The following ARSF variants were observed in gnomAD, a reference collection of about 807,000 sequenced individuals.
The protein encoded by ARSF is arylsulfatase F.
In ARSF, 33 loss-of-function variants were observed where a neutral mutation model predicts 35.4. That is an observed-to-expected ratio of 0.93 (90% CI 0.71 to 1.25). The LOEUF (loss-of-function observed/expected upper bound fraction) is 1.25, where lower values mean the gene tolerates loss of function less well. ARSF is among the 50% of genes most tolerant of loss of function. ARSF has a pLI of 0.00. For synonymous variants in ARSF, 222 were observed against 193.1 expected (o/e 1.15, Z -1.24); for missense variants, 501 against 480.2 (o/e 1.04, Z -0.40).
intron 7 of ARSF, among the ~76,000 whole-genome samples, chrX:3,093,906 CTT>C (rs758932238): frequency 5.4e-5 from 6 of 111,825 alleles, no homozygotes; most frequent in African/African-American, 9.7e-5. Flanking sequence ...ATCTGTTCCT[CTT>C]TTATTTTTTT....
At chrX:3,075,889 ATC>A (rs200700220) in intron 3 of ARSF, among the ~76,000 whole-genome samples, 1 of 42,818 alleles carries the variant, frequency 2.3e-5, no homozygotes, top group Non-Finnish European at 4.4e-5. Flanking sequence ...CTCTCTCTCC[ATC>A]TCTCTCTCTG....
chrX:3,081,876 T>A (rs1350362851), intron 5 of ARSF, among the ~76,000 whole-genome samples: 1 of 111,358 alleles, frequency 9.0e-6, no homozygotes, highest in Non-Finnish European at 1.9e-5. Flanking sequence ...AGCCTGGGTT[T>A]CAGCTGGTGT....
intron 7 of ARSF, among the ~76,000 whole-genome samples, chrX:3,098,662 A>G (rs1462428559): frequency 1.2e-4 from 13 of 111,115 alleles, no homozygotes. Context: ...GCCACGTAGA[A>G]CTGTGATTCC....
chrX:3,057,573 G>A (rs951847209), intron 1 of ARSF, among the ~76,000 whole-genome samples: 7 of 111,858 alleles, frequency 6.3e-5, no homozygotes, highest in Admixed American at 1.9e-4. Context: ...TTTCACCCAT[G>A]AGAAAAGTGA....
At chrX:3,108,727 C>T (rs1460927462) in intron 9 of ARSF, among the ~76,000 whole-genome samples, 1 of 111,742 alleles carries the variant, frequency 8.9e-6, no homozygotes, top group Non-Finnish European at 1.9e-5. Context: ...CTTTTAAGAT[C>T]CTTTTTAGGC....
intron 7 of ARSF, among the ~76,000 whole-genome samples, chrX:3,092,364 G>T (rs1195247193): frequency 9.0e-6 from 1 of 111,670 alleles, no homozygotes; most frequent in African/African-American, 3.3e-5. Flanking sequence ...CAATGAAATA[G>T]GTCATTCAAA....
chrX:3,083,064 ATATC>A (rs201118844), intron 5 of ARSF, among the ~76,000 whole-genome samples: 1,921 of 109,453 alleles, frequency 0.018, 36 homozygotes, highest in African/African-American at 0.052. Flanking sequence ...TCTATCCATC[ATATC>A]TATCTATCTA....
intron 6 of ARSF, among the ~76,000 whole-genome samples, chrX:3,088,513 T>G (rs770002563): frequency 2.7e-5 from 3 of 110,927 alleles, no homozygotes; most frequent in Non-Finnish European, 1.9e-5. Context: ...GAGAAAGGTT[T>G]AATAATTGCA....
At chrX:3,065,184 G>A (rs2090058415) in intron 1 of ARSF, among the ~76,000 whole-genome samples, 1 of 105,235 alleles carries the variant, frequency 9.5e-6, no homozygotes, top group South Asian at 4.3e-4. Context: ...CTATCACAAG[G>A]ACAGAAAACC....
At chrX:3,058,517 G>A (rs919481647) in intron 1 of ARSF, 1 of 284,948 alleles carries the variant, frequency 3.5e-6, no homozygotes, top group Non-Finnish European at 6.8e-6. Flanking sequence ...TGCTGTTTTT[G>A]TCAACATAAA....
At chrX:3,065,390 A>G (rs2090060251) in intron 1 of ARSF, among the ~76,000 whole-genome samples, 1 of 109,189 alleles carries the variant, frequency 9.2e-6, no homozygotes, top group Non-Finnish European at 1.9e-5. Flanking sequence ...CTATGTAACG[A>G]GCCTGCATGT....
At position 3,101,961 on chromosome X, in the gene ARSF, C is replaced by T. The variant is rs192054095; in HGVS notation, c.1102+740C>T. On this transcript the variant is annotated intron_variant, in intron 8 of 10. Coordinates refer to ENST00000381127, the MANE Select transcript of ARSF (RefSeq NM_001201539.2). ...GTTGTTATTCATGCAACTACAGATT[C>T]CACAGTCTTGGATTCGGTAGGAAAT... Among the ~76,000 whole-genome samples, 4 of 111,566 alleles carry T rather than the reference C, an allele frequency of 3.6e-5. No individual in the cohort carries two copies. In the East Asian group the frequency reaches 1.1e-3, roughly 31 times the overall value.
Position 3,101,239 on chromosome X carries a change from T to A in ARSF, c.1102+18T>A. The stretch of plus-strand genomic sequence containing the variant: ...ATACAAAGGTGAGGAGAGGAACTCA[T>A]GCAAGTGATCTGGTGGTGAATAAGC... On this transcript the variant is annotated intron_variant, in intron 8 of 10. Transcript: ENST00000381127. The A allele has an allele frequency of 8.3e-7, 1 of 1,203,407 alleles. No homozygotes were observed. The highest frequency in any genetic ancestry group is 1.1e-6 in the Non-Finnish European group (1 of 890,594).
At chrX:3,053,758 A>ATTT (rs773968797) in intron 1 of ARSF, among the ~76,000 whole-genome samples, 2 of 82,629 alleles carry the variant, frequency 2.4e-5, no homozygotes, top group East Asian at 3.7e-4. Flanking sequence ...CGCCTGGGTA[A>ATTT]TTTTTTTTTT....
In ARSF at chrX:3,065,836, C is replaced by T. The variant is rs140828167; in HGVS notation, c.-28-2237C>T. ...TTTCCAGGCTGGGCGCAGTGACTCT[C>T]GCCTATAATCCCAGCACTTTGGGAG... On this transcript the variant is annotated intron_variant, in intron 1 of 10. Transcript: ENST00000381127. Among the ~76,000 whole-genome samples, 536 of 110,854 alleles carry T rather than the reference C, an allele frequency of 4.8e-3. 5 individuals carry two copies. The highest frequency in any genetic ancestry group is 0.017 in the African/African-American group (512 of 30,481).
chrX:3,083,667 G>C (rs1250274857), intron 5 of ARSF, among the ~76,000 whole-genome samples: 3 of 111,102 alleles, frequency 2.7e-5, no homozygotes, highest in Non-Finnish European at 5.7e-5. Flanking sequence ...ATATGCATCT[G>C]TTCATCTGTC....
chrX:3,093,147 G>A (rs183642813), intron 7 of ARSF, among the ~76,000 whole-genome samples: 2,823 of 111,608 alleles, frequency 0.025, 76 homozygotes, highest in African/African-American at 0.081. Flanking sequence ...CCTGGGCAAC[G>A]GAGCGAGACT....
At chrX:3,082,438 TTATC>T (rs2090208854) in intron 5 of ARSF, among the ~76,000 whole-genome samples, 1 of 111,716 alleles carries the variant, frequency 9.0e-6, no homozygotes, top group African/African-American at 3.3e-5. Flanking sequence ...CATCTATCAT[TTATC>T]TATCATCTAT....
chrX:3,112,140 G>A (rs7053230), intron 10 of ARSF, 34 bp from the exon 11 acceptor site: 85,268 of 1,123,201 alleles, frequency 0.076, 2,671 homozygotes, highest in Admixed American at 0.16. Flanking sequence ...GCTGAAGTGC[G>A]CATCATTTGA....
Sources: allele counts gnomAD v4.1 joint callset (sites outside exome capture counted in the v4.1 genomes callset), GRCh38; gene constraint gnomAD v4.1.1; transcripts MANE v1.5; gene names NCBI Gene and HGNC (gene_info 2026-07-23, HGNC 2026-07-21).